The following RAB14 variants were observed in gnomAD, a reference collection of about 807,000 sequenced individuals.
RAB14 encodes the protein RAB14, member RAS oncogene family, also known as ras-related protein Rab-14.
Under a neutral mutation model 31.1 loss-of-function variants are expected in RAB14, and 3 were observed. The ratio of observed to expected loss-of-function variants is 0.10; its 90% confidence interval spans 0.04 to 0.25. The LOEUF (loss-of-function observed/expected upper bound fraction) is 0.25. RAB14 is among the 10% of genes least tolerant of loss of function. RAB14 has a pLI of 1.00. For missense variants in RAB14, 111 were observed against 260.1 expected (o/e 0.43, Z 3.94); for synonymous variants, 85 against 84.9 (o/e 1.00, Z 0.00).
rs1219744640 is a variant in RAB14 at position 121,178,886 on chromosome 9, A to ATT, written c.*2508_*2509dup. 6.6e-6 allele frequency: 1 copy of ATT among 152,230 alleles called. No individual in the cohort carries two copies. The highest frequency in any genetic ancestry group is 1.9e-4 in the East Asian group (1 of 5,202). 9.4% of individuals were successfully genotyped at this position (152,230 alleles called of 1,614,324 possible). A position where few individuals can be genotyped will look rare whatever the true frequency, so the allele number is the denominator to read the frequency against. On this transcript the variant is annotated 3_prime_UTR_variant, in exon 8 of 8. Coordinates refer to ENST00000373840, the MANE Select transcript of RAB14 (RefSeq NM_016322.4). ...ACAAGCAGTAAGCTATGGATTAAAA[A>ATT]TTAAAAGGATTTCACATTCTTTCCA...
intron 3 of RAB14, 56 bp from the exon 4 acceptor site, chr9:121,190,787 C>G (rs962760882): frequency 7.7e-6 from 12 of 1,548,446 alleles, no homozygotes; most frequent in Non-Finnish European, 9.7e-6. Context: ...CAAATTAAGC[C>G]TAGAGGGGGA....
intron 3 of RAB14, 120 bp downstream of exon 3, chr9:121,192,051 A>G (rs1289841353): frequency 7.3e-6 from 5 of 681,576 alleles, no homozygotes; most frequent in African/African-American, 1.8e-5. Context: ...TAAAAAAAGT[A>G]CAAATATAGG....
At chr9:121,186,739 C>T (rs2053661640) in intron 5 of RAB14, among the ~76,000 whole-genome samples, 1 of 152,046 alleles carries the variant, frequency 6.6e-6, no homozygotes, top group Admixed American at 6.6e-5. Flanking sequence ...TAATGACAAA[C>T]ATGAACAAAA....
intron 1 of RAB14, among the ~76,000 whole-genome samples, chr9:121,199,970 C>A (rs925345287): frequency 1.3e-5 from 2 of 152,166 alleles, no homozygotes; most frequent in Non-Finnish European, 2.9e-5. Context: ...CTGTTACAGG[C>A]ACTGATTTAC....
At chr9:121,182,642 CATTTGGGAAAAGTCAAACACTTT>C (rs1328032014) in intron 7 of RAB14, among the ~76,000 whole-genome samples, 1 of 152,188 alleles carries the variant, frequency 6.6e-6, no homozygotes, top group Admixed American at 6.5e-5. Flanking sequence ...CAAACACTGT[CATTTGGGAAAAGTCAAACACTTT>C]TGAAATGTAA....
chr9:121,200,089 C>A (rs949573580), intron 1 of RAB14, among the ~76,000 whole-genome samples: 1 of 152,150 alleles, frequency 6.6e-6, no homozygotes, highest in Non-Finnish European at 1.5e-5. Flanking sequence ...ACACTGAGTC[C>A]GAAAGGTTAA....
chr9:121,201,802 G>C lies in RAB14; in HGVS notation c.-171C>G, dbSNP rs945495966. 6.6e-6 allele frequency: 1 copy of C among 152,400 alleles called. No homozygotes were observed. Among genetic ancestry groups the C allele is most frequent in the Non-Finnish European group, 1.5e-5 (1 of 68,210 alleles). 9.4% of individuals were successfully genotyped at this position (152,400 alleles called of 1,614,324 possible). Reference sequence around the variant, plus strand: ...GTGCAGACGCGCCGGCAGCAGTAGCGGCAGTAGCAGTGGCAGCGGTGACTG... The same window carrying C: ...GTGCAGACGCGCCGGCAGCAGTAGCCGCAGTAGCAGTGGCAGCGGTGACTG... On this transcript the variant is annotated 5_prime_UTR_variant, in exon 1 of 8. Coordinates refer to ENST00000373840, the MANE Select transcript of RAB14 (RefSeq NM_016322.4).
In RAB14 at chr9:121,190,751, G is replaced by T; in HGVS notation, c.107-20C>A. 2 of 1,608,016 alleles carry T rather than the reference G, an allele frequency of 1.2e-6. No individual in the cohort carries two copies. The highest frequency in any genetic ancestry group is 1.7e-6 in the Non-Finnish European group (2 of 1,176,390). ...CCATAACTGTTAAGGAGGAAAAAAA[G>T]TAATAGCCCAATTTTCAGAAAACTT... On this transcript the variant is annotated intron_variant, in intron 3 of 7. Coordinates refer to ENST00000373840, the MANE Select transcript of RAB14 (RefSeq NM_016322.4).
chr9:121,198,056 T>C (rs190975227), intron 1 of RAB14, among the ~76,000 whole-genome samples: 35 of 151,730 alleles, frequency 2.3e-4, no homozygotes, highest in African/African-American at 8.5e-4. Flanking sequence ...CAACCCTATA[T>C]TCATATAATA....
chr9:121,193,256 A>C, intron 2 of RAB14, 105 bp downstream of exon 2: 1 of 736,362 alleles, frequency 1.4e-6, no homozygotes, highest in East Asian at 3.1e-5. Flanking sequence ...TTTTACAGTA[A>C]GAAAATCACT....
rs1395462348 is a variant in RAB14, at chr9:121,180,113, T to C, written c.*1283A>G. On this transcript the variant is annotated 3_prime_UTR_variant, in exon 8 of 8. Transcript: ENST00000373840. ...AACACCTTTAGAAACACTTTCCCTTTTACAAAACAATTTATGCCAACATGA... is the reference window on the plus strand; with the variant it reads ...AACACCTTTAGAAACACTTTCCCTTCTACAAAACAATTTATGCCAACATGA... The C allele has an allele frequency of 6.6e-6, 1 of 152,618 alleles. No individual in the cohort carries two copies. Among genetic ancestry groups the C allele is most frequent in the Non-Finnish European group, 1.5e-5 (1 of 68,038 alleles). The allele number at this position is 152,618 out of a possible 1,614,324, so 9.5% of individuals were successfully genotyped here.
chr9:121,194,094 T>TCACACACACACACACACA (rs56303323), intron 1 of RAB14, among the ~76,000 whole-genome samples: 3 of 138,952 alleles, frequency 2.2e-5, no homozygotes, highest in Non-Finnish European at 3.0e-5. Context: ...AGATTATCAC[T>TCACACACACACACACACA]CACACACACA....
At position 121,193,284 on chromosome 9, in the gene RAB14, T is replaced by A. The variant is rs148683491; in HGVS notation, c.52+77A>T. 7.3e-4 allele frequency: 700 copies of A among 956,830 alleles called. 1 individual carries two copies. In the African/African-American group the frequency reaches 0.01, roughly 14 times the overall value. The allele number at this position is 956,830 out of a possible 1,614,324, so 59.3% of individuals were successfully genotyped here. On this transcript the variant is annotated intron_variant, in intron 2 of 7. Coordinates refer to ENST00000373840, the MANE Select transcript of RAB14 (RefSeq NM_016322.4). Reference sequence around the variant, plus strand: ...AAATCACTCAGTCCTGAAGTGGTACTGTTTAAGTATTAACATATAAATATT... The same window carrying A: ...AAATCACTCAGTCCTGAAGTGGTACAGTTTAAGTATTAACATATAAATATT...
chr9:121,187,771 G>C (rs1371733828), intron 4 of RAB14, among the ~76,000 whole-genome samples: 2 of 151,924 alleles, frequency 1.3e-5, no homozygotes, highest in Non-Finnish European at 2.9e-5. Context: ...ATACACAGTA[G>C]AATCTACCAA....
intron 1 of RAB14, among the ~76,000 whole-genome samples, chr9:121,199,137 C>A (rs1253361419): frequency 6.6e-6 from 1 of 152,040 alleles, no homozygotes; most frequent in African/African-American, 2.4e-5. Context: ...AAAAAAAACC[C>A]CTGCACTTAC....
chr9:121,188,461 T>C (rs1315381733), intron 4 of RAB14, among the ~76,000 whole-genome samples: 1 of 151,682 alleles, frequency 6.6e-6, no homozygotes, highest in African/African-American at 2.4e-5. Flanking sequence ...GTAATTGTTA[T>C]TAATTTAATA....
chr9:121,187,444 G>C (rs952096705), intron 4 of RAB14, among the ~76,000 whole-genome samples: 5 of 151,946 alleles, frequency 3.3e-5, no homozygotes, highest in Admixed American at 3.3e-4. Flanking sequence ...AGACACTTTT[G>C]CTTGTCTTTA....
chr9:121,199,116 A>T (rs983384845), intron 1 of RAB14, among the ~76,000 whole-genome samples: 1 of 152,126 alleles, frequency 6.6e-6, no homozygotes, highest in Non-Finnish European at 1.5e-5. Context: ...GCACTTAACA[A>T]CCAAAAAGCC....
chr9:121,187,188 CCAAACCTAATATTTTTA>C (rs1319201358), intron 4 of RAB14, among the ~76,000 whole-genome samples, 169 bp from the exon 5 acceptor site: 5 of 152,026 alleles, frequency 3.3e-5, no homozygotes, highest in African/African-American at 1.2e-4. Context: ...AAAAATCTAG[CCAAACCTAATATTTTTA>C]AATAAACAAC....
Sources: allele counts gnomAD v4.1 joint callset (sites outside exome capture counted in the v4.1 genomes callset), GRCh38; gene constraint gnomAD v4.1.1; transcripts MANE v1.5; gene names NCBI Gene and HGNC (gene_info 2026-07-23, HGNC 2026-07-21).